Variants in SLC2A13 observed in about 807,000 individuals in gnomAD.
The protein encoded by SLC2A13 is solute carrier family 2 member 13, also known as proton myo-inositol cotransporter.
A neutral mutation model predicts 64.4 loss-of-function variants in SLC2A13; 32 were observed. The observed-to-expected ratio is 0.50, with a 90% CI of 0.37 to 0.67. The LOEUF is 0.67. Among genes scored for constraint, SLC2A13 ranks in the 30% least tolerant of loss-of-function variants. The probability of loss-of-function intolerance (pLI) is 0.00; values close to 1 mark genes in which losing one functional copy is unlikely to be tolerated. For synonymous variants in SLC2A13, 338 were observed against 327.1 expected, an observed-to-expected ratio of 1.03 and a Z score of -0.36; for missense variants, 743 against 829.2, an observed-to-expected ratio of 0.90 and a Z score of 1.28.
intron 7 of SLC2A13, among the ~76,000 whole-genome samples, chr12:39,797,398 T>G (rs1004942271): frequency 9.9e-5 from 15 of 152,160 alleles, no homozygotes; most frequent in African/African-American, 3.6e-4. Flanking sequence ...CAGCACAGTA[T>G]TTTTCTCATT....
At chr12:39,923,658 GTGATTAT>G (rs1945657179) in intron 4 of SLC2A13, among the ~76,000 whole-genome samples, 2 of 145,586 alleles carry the variant, frequency 1.4e-5, no homozygotes, top group Non-Finnish European at 3.0e-5. Flanking sequence ...CAAATGTTAT[GTGATTAT>G]ATGTATATAT....
At chr12:39,865,813 T>C (rs187687627) in intron 5 of SLC2A13, among the ~76,000 whole-genome samples, 1 of 152,288 alleles carries the variant, frequency 6.6e-6, no homozygotes, top group East Asian at 1.9e-4. Flanking sequence ...ATTTAAAAGT[T>C]GGAGCTGCAT....
intron 3 of SLC2A13, among the ~76,000 whole-genome samples, chr12:40,022,835 CA>C (rs761069410): frequency 0.018 from 2,096 of 113,310 alleles, 24 homozygotes; most frequent in African/African-American, 0.057. Flanking sequence ...AAGACTGTCT[CA>C]AAAAAAAAAA....
intron 1 of SLC2A13, among the ~76,000 whole-genome samples, chr12:40,051,194 G>T (rs896032349): frequency 3.9e-5 from 6 of 152,142 alleles, no homozygotes; most frequent in Non-Finnish European, 7.4e-5. Context: ...CTATACACTG[G>T]ATTCTACTGT....
At chr12:40,057,028 A>T (rs1948343607) in intron 1 of SLC2A13, among the ~76,000 whole-genome samples, 1 of 152,150 alleles carries the variant, frequency 6.6e-6, no homozygotes, top group African/African-American at 2.4e-5. Context: ...ACGAAGAGCC[A>T]TGAGGAGGGA....
intron 4 of SLC2A13, among the ~76,000 whole-genome samples, chr12:39,885,562 C>T (rs531269649): frequency 6.6e-6 from 1 of 152,100 alleles, no homozygotes; most frequent in African/African-American, 2.4e-5. Flanking sequence ...TTACAAAAAA[C>T]TTTCTCTGAA....
At chr12:40,008,631 A>G (rs532802) in intron 3 of SLC2A13, among the ~76,000 whole-genome samples, 107,216 of 151,062 alleles carry the variant, frequency 0.71, 38,203 homozygotes, top group East Asian at 0.84. Context: ...AAAAAAAAGA[A>G]TATGGAGAAA....
chr12:40,069,477 A>C (rs1937870520), intron 1 of SLC2A13, among the ~76,000 whole-genome samples: 1 of 152,082 alleles, frequency 6.6e-6, no homozygotes, highest in African/African-American at 2.4e-5. Context: ...TCAGAGAAAA[A>C]AGAAAAGTCT....
intron 1 of SLC2A13, among the ~76,000 whole-genome samples, chr12:40,051,902 G>T (rs1948263665): frequency 1.3e-5 from 2 of 152,192 alleles, no homozygotes; most frequent in South Asian, 4.1e-4. Context: ...GGATCAACTA[G>T]ATCATTCTAG....
At position 40,105,798 on chromosome 12, in the gene SLC2A13, T is replaced by C; in HGVS notation, c.11A>G (p.Lys4Arg). 1 of 1,480,072 alleles carries C rather than the reference T, an allele frequency of 6.8e-7. No homozygotes were observed. Among genetic ancestry groups the C allele is most frequent in the Middle Eastern group, 1.9e-4 (1 of 5,248 alleles). 91.7% of individuals were successfully genotyped at this position (1,480,072 alleles called of 1,614,324 possible). ...CGTGTACTCCACATTCTCGCTTGCC[T>C]TGCGGGACATAGGGCAGGGGCCCGG... is the stretch of plus-strand genomic sequence containing the variant. Reference protein sequence around the residue: MSRKASENVEYTLR... With the variant: MSRRASENVEYTLR... The change falls in exon 1 of 10, where the codon AAG becomes AGG. Residue 4 changes from lysine (K) to arginine (R), a missense_variant. By Grantham distance (26) the Lys-to-Arg change is conservative. Coordinates refer to ENST00000280871, the MANE Select transcript of SLC2A13 (RefSeq NM_052885.4). This position sits in a 1 kb window ranked among gnomAD's most constrained non-coding sequence, Gnocchi z 4.2.
intron 7 of SLC2A13, among the ~76,000 whole-genome samples, chr12:39,784,303 C>A (rs933193851): frequency 6.6e-6 from 1 of 152,160 alleles, no homozygotes; most frequent in Non-Finnish European, 1.5e-5. Context: ...CTGGAGGCAT[C>A]ACGCTACCTG....
chr12:40,024,092 T>C (rs559652743), intron 3 of SLC2A13, among the ~76,000 whole-genome samples: 1 of 152,246 alleles, frequency 6.6e-6, no homozygotes, highest in African/African-American at 2.4e-5. Context: ...TAATTACCTA[T>C]GTCTCTATCA....
intron 3 of SLC2A13, among the ~76,000 whole-genome samples, chr12:40,001,709 T>A (rs1005892377): frequency 6.6e-6 from 1 of 152,196 alleles, no homozygotes; most frequent in Non-Finnish European, 1.5e-5. Context: ...AAAATTCACT[T>A]CACTTAGCAC....
intron 7 of SLC2A13, among the ~76,000 whole-genome samples, chr12:39,825,937 T>C (rs1189211265): frequency 1.3e-5 from 2 of 152,162 alleles, no homozygotes; most frequent in African/African-American, 4.8e-5. Context: ...AATTTGAAGT[T>C]GCTTTTTGGG....
chr12:39,884,649 G>C (rs1592240184), intron 4 of SLC2A13, among the ~76,000 whole-genome samples: 2 of 152,234 alleles, frequency 1.3e-5, no homozygotes, highest in East Asian at 3.9e-4. Flanking sequence ...TAACACTGAG[G>C]GTGACCGCCA....
At chr12:39,818,996 G>A (rs959283620) in intron 7 of SLC2A13, among the ~76,000 whole-genome samples, 3 of 151,990 alleles carry the variant, frequency 2.0e-5, no homozygotes, top group African/African-American at 7.3e-5. Flanking sequence ...AATGTTAAAC[G>A]AACGAAGATG....
intron 1 of SLC2A13, among the ~76,000 whole-genome samples, chr12:40,066,221 T>C (rs1054563834): frequency 2.0e-5 from 3 of 152,180 alleles, no homozygotes; most frequent in Non-Finnish European, 4.4e-5. Context: ...CATCTCATGA[T>C]GTATAATGCA....
chr12:40,078,504 A>G (rs751039429), intron 1 of SLC2A13, among the ~76,000 whole-genome samples: 2 of 152,266 alleles, frequency 1.3e-5, no homozygotes, highest in East Asian at 1.9e-4. Context: ...ATTGTGGTGG[A>G]TTAGCTTTTC....
At chr12:40,027,206 CAGTAAA>C (rs1161633833) in intron 3 of SLC2A13, among the ~76,000 whole-genome samples, 9 of 152,080 alleles carry the variant, frequency 5.9e-5, no homozygotes, top group African/African-American at 2.2e-4. Flanking sequence ...ATGTTTAACT[CAGTAAA>C]AGTAAAACTT....
Sources: gnomAD v4.1 joint callset for allele counts (sites outside exome capture counted in the v4.1 genomes callset) on GRCh38, gnomAD v4.1.1 for gene constraint, Gnocchi (gnomAD v3.1) non-coding constraint, MANE v1.5 for transcripts, NCBI Gene and HGNC (gene_info 2026-07-23, HGNC 2026-07-21) for gene names.